MYO19: variants seen among roughly 807,000 people sequenced by gnomAD.
MYO19 encodes the protein myosin XIX.
Under a neutral mutation model 129.2 loss-of-function variants are expected in MYO19, and 132 were observed. The observed-to-expected ratio is 1.02, with a 90% CI of 0.89 to 1.18. The LOEUF (loss-of-function observed/expected upper bound fraction) is 1.18. Among genes scored for constraint, MYO19 ranks in the 50% most tolerant of loss-of-function variants. The probability of loss-of-function intolerance (pLI) is 0.00; values close to 1 mark genes in which losing one functional copy is unlikely to be tolerated. For synonymous variants in MYO19, 531 were observed against 477.2 expected (o/e 1.11, Z -1.47); for missense variants, 1,210 against 1,216.7 (o/e 0.99, Z 0.08).
chr17:36,537,689 G>A (rs1442648159), upstream of MYO19: 1 of 1,614,082 alleles, frequency 6.2e-7, no homozygotes, highest in South Asian at 1.1e-5. Flanking sequence ...GGTCCAAATT[G>A]CATTACTTTA....
upstream of MYO19, among the ~76,000 whole-genome samples, chr17:36,544,081 C>CT (rs2074219605): frequency 6.6e-6 from 1 of 152,258 alleles, no homozygotes; most frequent in Non-Finnish European, 1.5e-5. Flanking sequence ...GCGAGAGGAA[C>CT]TGTCTTCACA....
chr17:36,536,873 CAAT>C (rs1226265667), upstream of MYO19, among the ~76,000 whole-genome samples: 6 of 152,260 alleles, frequency 3.9e-5, no homozygotes, highest in South Asian at 1.2e-3. Flanking sequence ...GCTTTGTAAC[CAAT>C]AATTTAATAT....
chr17:36,505,398 G>C lies in MYO19; in HGVS notation c.1804C>G (p.Leu602Val). ...LTVVSKFKASLEQLLQVLHST... is the reference protein window; with the variant it reads ...LTVVSKFKASVEQLLQVLHST... ...TGTAGGACCTGCAGAAGCTGCTCCA[G>C]TGAGGCCTGCAGATGAGAGACCATG... Residue 602 changes from leucine (L) to valine (V), a missense_variant, in exon 19 of 26, where the codon CTG becomes GTG. Coordinates refer to ENST00000614623, the MANE Select transcript of MYO19 (RefSeq NM_001163735.2). 1.2e-6 allele frequency: 2 copies of C among 1,614,004 alleles called. No individual in the cohort carries two copies. The highest frequency in any genetic ancestry group is 1.7e-6 in the Non-Finnish European group (2 of 1,179,846).
chr17:36,515,782 C>T (rs2072704576), intron 7 of MYO19, 76 bp downstream of exon 7: 10 of 1,514,878 alleles, frequency 6.6e-6, no homozygotes, highest in South Asian at 1.3e-5. Flanking sequence ...TCTCAAAGCA[C>T]TGTCCCTCTC....
intron 15 of MYO19, 42 bp from the exon 16 acceptor site, chr17:36,507,554 G>A: frequency 6.3e-7 from 1 of 1,589,098 alleles, no homozygotes; most frequent in Non-Finnish European, 8.6e-7. Context: ...GGCAGCTGTG[G>A]TCTGATGTCC....
chr17:36,512,090 C>T (rs55833429), intron 11 of MYO19, among the ~76,000 whole-genome samples: 21,303 of 152,126 alleles, frequency 0.14, 1,980 homozygotes, highest in Non-Finnish European at 0.21. Flanking sequence ...GTGGCACACG[C>T]TTGTAATTCC....
At chr17:36,512,571 C>T in intron 11 of MYO19, 2 of 1,228,434 alleles carry the variant, frequency 1.6e-6, no homozygotes, top group Non-Finnish European at 2.1e-6. Flanking sequence ...GTCATGCCCA[C>T]CCCCAAAGCA....
In MYO19 at chr17:36,507,856, C is replaced by T. The variant is rs375962449; in HGVS notation, c.1300G>A (p.Ala434Thr). ...AAATGCTGCTGCAGCTTCTCATTGGCGTAGTTGATGCACAACTGTTCCAGA... is the reference window on the plus strand; with the variant it reads ...AAATGCTGCTGCAGCTTCTCATTGGTGTAGTTGATGCACAACTGTTCCAGA... The part of the protein sequence containing the change: ...NSLEQLCINY[A>T]NEKLQQHFVA... Residue 434 changes from alanine (A) to threonine (T), a missense_variant, in exon 15 of 26, where the codon GCC becomes ACC. Ala to Thr is a moderately conservative substitution (Grantham distance 58). Coordinates refer to ENST00000614623, the MANE Select transcript of MYO19 (RefSeq NM_001163735.2). 207 of 1,613,562 alleles carry T rather than the reference C, an allele frequency of 1.3e-4. No homozygotes were observed. In the South Asian group the frequency reaches 1.6e-3, roughly 12 times the overall value.
intron 2 of MYO19, chr17:36,542,066 G>A (rs2074200256): frequency 6.6e-6 from 1 of 152,148 alleles, no homozygotes; most frequent in Non-Finnish European, 1.5e-5. Context: ...ACCTCCTTGA[G>A]AAACAGCAAC....
intron 6 of MYO19, among the ~76,000 whole-genome samples, chr17:36,522,875 G>A (rs1312308506): frequency 3.3e-5 from 5 of 151,914 alleles, no homozygotes; most frequent in South Asian, 2.1e-4. Context: ...GCGTAGTGGC[G>A]GGCGCCTGTA....
chr17:36,498,601 G>T, intron 24 of MYO19, 42 bp from the exon 25 acceptor site: 1 of 1,538,144 alleles, frequency 6.5e-7, no homozygotes, highest in Non-Finnish European at 8.8e-7. Context: ...GATTTATCTA[G>T]CCCTCTTAGC....
rs772678636 is a variant in MYO19, at chr17:36,525,216, A to T, written c.414+12T>A. The T allele has an allele frequency of 3.6e-5, 58 of 1,594,784 alleles. No individual in the cohort carries two copies. The highest frequency in any genetic ancestry group is 4.6e-5 in the Non-Finnish European group (54 of 1,162,822). On this transcript the variant is annotated intron_variant, in intron 6 of 25. Coordinates refer to ENST00000614623, the MANE Select transcript of MYO19 (RefSeq NM_001163735.2). ...GTCGTGAGTTGACAGGATGGGAAAG[A>T]CGTCTTCCTACCTTTCCAGCACCAC...
chr17:36,520,941 A>G (rs1040787997), intron 6 of MYO19, among the ~76,000 whole-genome samples: 3 of 152,296 alleles, frequency 2.0e-5, no homozygotes, highest in Middle Eastern at 3.4e-3. Context: ...CAGTTCTTGG[A>G]TGCAATTTTC....
At chr17:36,508,863 C>T in intron 14 of MYO19, 199 bp downstream of exon 14, 1 of 609,712 alleles carries the variant, frequency 1.6e-6, no homozygotes, top group Non-Finnish European at 2.9e-6. Context: ...TTATGGACTG[C>T]TCAGATGTGG....
At chr17:36,534,591 C>T (rs988994111) in intron 1 of MYO19, 170 bp downstream of exon 1, 1 of 152,334 alleles carries the variant, frequency 6.6e-6, no homozygotes, top group East Asian at 1.9e-4. Flanking sequence ...TGGGCTACCC[C>T]CTCGTGAGAC....
At chr17:36,538,328 T>G (rs777685689), upstream of MYO19, 35 of 1,613,952 alleles carry the variant, frequency 2.2e-5, no homozygotes, top group Admixed American at 1.5e-4. Context: ...TAGTACCATG[T>G]TCTTGGAAAC....
At chr17:36,520,585 C>G (rs1173215322) in intron 6 of MYO19, among the ~76,000 whole-genome samples, 1 of 152,112 alleles carries the variant, frequency 6.6e-6, no homozygotes, top group Non-Finnish European at 1.5e-5. Context: ...TCTGCCACCT[C>G]TGAGACAGCA....
At position 36,528,153 on chromosome 17, in the gene MYO19, C is replaced by G. The variant is rs556032231; in HGVS notation, c.62G>C (p.Arg21Thr). 1.2e-6 allele frequency: 2 copies of G among 1,610,436 alleles called. No homozygotes were observed. Among genetic ancestry groups the G allele is most frequent in the East Asian group, 2.2e-5 (1 of 44,792 alleles). Residue 21 changes from arginine to threonine, a missense_variant, in exon 4 of 26, where the codon AGA becomes ACA. Arg to Thr is a moderately conservative substitution (Grantham distance 71, BLOSUM62 -1). Coordinates refer to ENST00000614623, the MANE Select transcript of MYO19 (RefSeq NM_001163735.2). Reference protein sequence around the residue: ...GSDGQAREYLREDLQEFLGGE... With the variant: ...GSDGQAREYLTEDLQEFLGGE... ...ACCCAGGAACTCCTGCAGGTCTTCT[C>G]TGAGGTACTCCCTGGCTTGGCCATC...
intron 6 of MYO19, among the ~76,000 whole-genome samples, 173 bp downstream of exon 6, chr17:36,525,053 CTT>C (rs1402014863): frequency 6.6e-6 from 1 of 152,320 alleles, no homozygotes; most frequent in African/African-American, 2.4e-5. Flanking sequence ...TATCCTGTCT[CTT>C]GACTTCCGGC....
Sources: gnomAD v4.1 joint callset for allele counts (sites outside exome capture counted in the v4.1 genomes callset) on GRCh38, gnomAD v4.1.1 for gene constraint, MANE v1.5 for transcripts, NCBI Gene and HGNC (gene_info 2026-07-23, HGNC 2026-07-21) for gene names.